RAP1A: variants seen among roughly 807,000 people sequenced by gnomAD.
The protein encoded by RAP1A is RAP1A, member of RAS oncogene family.
RAP1A carries 6 observed loss-of-function variants against 26.4 expected under a neutral mutation model. The ratio of observed to expected loss-of-function variants is 0.23; its 90% CI spans 0.12 to 0.45. The LOEUF (loss-of-function observed/expected upper bound fraction) is 0.45. Among genes scored for constraint, RAP1A ranks in the 20% least tolerant of loss-of-function variants. RAP1A has a pLI of 0.99. For missense variants in RAP1A, 121 were observed against 217.2 expected (o/e 0.56, Z 2.78); for synonymous variants, 73 against 79.4 (o/e 0.92, Z 0.43).
intron 6 of RAP1A, among the ~76,000 whole-genome samples, chr1:111,705,690 C>T (rs936771608): frequency 5.9e-5 from 9 of 152,182 alleles, no homozygotes; most frequent in African/African-American, 1.9e-4. Context: ...GACACTATTC[C>T]TGCCCTGAAG....
At chr1:111,582,460 T>A (rs1345384736) in intron 1 of RAP1A, among the ~76,000 whole-genome samples, 1 of 152,168 alleles carries the variant, frequency 6.6e-6, no homozygotes, top group Non-Finnish European at 1.5e-5. Flanking sequence ...AGCACAGAGG[T>A]GTCTAAATAT....
intron 1 of RAP1A, among the ~76,000 whole-genome samples, chr1:111,549,605 A>ATGCCAC (rs1227498499): frequency 6.6e-6 from 1 of 150,836 alleles, no homozygotes; most frequent in Non-Finnish European, 1.5e-5. Flanking sequence ...AGCCGATATC[A>ATGCCAC]TGCCACTGCA....
intron 1 of RAP1A, among the ~76,000 whole-genome samples, chr1:111,554,664 T>G (rs1190562647): frequency 6.6e-6 from 1 of 152,234 alleles, no homozygotes; most frequent in African/African-American, 2.4e-5. Flanking sequence ...TAATGGCACT[T>G]GGTACAAGGT....
chr1:111,652,391 T>C (rs1660303030), intron 1 of RAP1A, among the ~76,000 whole-genome samples: 1 of 152,206 alleles, frequency 6.6e-6, no homozygotes, highest in Non-Finnish European at 1.5e-5. Flanking sequence ...AGGCTAATTA[T>C]GAAACAGTTA....
At chr1:111,572,450 C>T (rs6537707) in intron 1 of RAP1A, among the ~76,000 whole-genome samples, 137,240 of 152,282 alleles carry the variant, frequency 0.9, 61,943 homozygotes, top group East Asian at 0.94. Flanking sequence ...CATGCCTACA[C>T]TGAGAATGGA....
chr1:111,648,339 C>T, intron 1 of RAP1A: 1 of 746,754 alleles, frequency 1.3e-6, no homozygotes, highest in Non-Finnish European at 2.3e-6. Flanking sequence ...TTGCCATCCA[C>T]TATCTGGTGG....
chr1:111,651,184 A>G (rs534164150), intron 1 of RAP1A, among the ~76,000 whole-genome samples: 30 of 152,254 alleles, frequency 2.0e-4, no homozygotes, highest in Non-Finnish European at 3.7e-4. Flanking sequence ...TGTTTTGGCT[A>G]TATATAAAGA....
intron 1 of RAP1A, among the ~76,000 whole-genome samples, chr1:111,651,363 C>T (rs1660262008): frequency 6.6e-6 from 1 of 151,562 alleles, no homozygotes; most frequent in Non-Finnish European, 1.5e-5. Flanking sequence ...TAACAAAATT[C>T]TTTCAAGTTA....
chr1:111,577,971 C>G (rs1217038344), intron 1 of RAP1A, among the ~76,000 whole-genome samples: 1 of 152,108 alleles, frequency 6.6e-6, no homozygotes, highest in Admixed American at 6.6e-5. Context: ...TAAAGGAGTC[C>G]ACAGTCACTT....
upstream of RAP1A, among the ~76,000 whole-genome samples, chr1:111,615,398 G>A (rs571898358): frequency 1.8e-4 from 28 of 152,060 alleles, no homozygotes; most frequent in African/African-American, 6.8e-4. Flanking sequence ...CCTGACCTAG[G>A]GTCGTGGCAA....
intron 1 of RAP1A, among the ~76,000 whole-genome samples, chr1:111,545,221 G>T (rs1361602745): frequency 6.6e-6 from 1 of 152,032 alleles, no homozygotes; most frequent in Admixed American, 6.6e-5. Flanking sequence ...CATAGCAGCT[G>T]CACCATTTCA....
chr1:111,557,413 G>A (rs998842098), intron 1 of RAP1A, among the ~76,000 whole-genome samples: 1 of 151,970 alleles, frequency 6.6e-6, no homozygotes, highest in Non-Finnish European at 1.5e-5. Context: ...AGCTGAGCAT[G>A]GTGGGACCCG....
intron 1 of RAP1A, among the ~76,000 whole-genome samples, chr1:111,642,492 C>CT (rs111801242): frequency 2.9e-3 from 409 of 143,084 alleles, no homozygotes; most frequent in South Asian, 0.017. Flanking sequence ...TAGGTGTTAA[C>CT]TTTTTTTTTT....
chr1:111,564,669 C>T (rs1178899714), intron 1 of RAP1A, among the ~76,000 whole-genome samples: 1 of 151,930 alleles, frequency 6.6e-6, no homozygotes, highest in Non-Finnish European at 1.5e-5. Flanking sequence ...CCCACCACCA[C>T]ACCCGGCTAA....
intron 1 of RAP1A, among the ~76,000 whole-genome samples, chr1:111,671,653 TC>T (rs1660979417): frequency 6.6e-6 from 1 of 152,134 alleles, no homozygotes; most frequent in Non-Finnish European, 1.5e-5. Flanking sequence ...TTCTGTATTT[TC>T]AGTAGAGACA....
intron 1 of RAP1A, among the ~76,000 whole-genome samples, chr1:111,595,132 T>G (rs1287274717): frequency 2.6e-5 from 4 of 152,234 alleles, no homozygotes; most frequent in African/African-American, 9.6e-5. Context: ...TCCCCCACTA[T>G]GTTTTGGACA....
At chr1:111,703,922 C>T (rs1219839761) in intron 5 of RAP1A, among the ~76,000 whole-genome samples, 1 of 152,204 alleles carries the variant, frequency 6.6e-6, no homozygotes, top group African/African-American at 2.4e-5. Flanking sequence ...CCTCAACCCC[C>T]TGAGTAGTTG....
chr1:111,637,729 CTT>C (rs1240198735), intron 1 of RAP1A, among the ~76,000 whole-genome samples: 1 of 152,042 alleles, frequency 6.6e-6, no homozygotes, highest in Non-Finnish European at 1.5e-5. Context: ...AAATGAGTAT[CTT>C]TTAACAGTAC....
At chr1:111,609,536 GAC>G (rs1157040942) in intron 1 of RAP1A, among the ~76,000 whole-genome samples, 2 of 152,054 alleles carry the variant, frequency 1.3e-5, no homozygotes, top group African/African-American at 4.8e-5. Flanking sequence ...CCCTAAACTA[GAC>G]ACACTGGGTG....
Sources: gnomAD v4.1 joint callset for allele counts (sites outside exome capture counted in the v4.1 genomes callset) on GRCh38, gnomAD v4.1.1 for gene constraint, MANE v1.5 for transcripts, NCBI Gene and HGNC (gene_info 2026-07-23, HGNC 2026-07-21) for gene names.